The following DDX39B variants were observed in gnomAD, a reference collection of about 807,000 sequenced individuals.
DDX39B encodes the protein DExD-box helicase 39B.
DDX39B carries 6 observed loss-of-function variants against 46.4 expected under a neutral mutation model. The ratio of observed to expected loss-of-function variants is 0.13; its 90% CI spans 0.07 to 0.26. The LOEUF (loss-of-function observed/expected upper bound fraction) is 0.26, where lower values mean the gene tolerates loss of function less well. Among genes scored for constraint, DDX39B ranks in the 10% least tolerant of loss-of-function variants. The pLI, the probability that DDX39B is intolerant of heterozygous loss-of-function variation, is 1.00. For missense variants in DDX39B, 185 were observed against 553.4 expected, an observed-to-expected ratio of 0.33 and a Z score of 6.68; for synonymous variants, 174 against 199.4, an observed-to-expected ratio of 0.87 and a Z score of 1.07.
intron 3 of DDX39B, 33 bp from the exon 4 acceptor site, chr6:31,538,888 A>T (rs1483845858): frequency 6.3e-7 from 1 of 1,598,322 alleles, no homozygotes; most frequent in Non-Finnish European, 8.6e-7. Context: ...ACATATGGTA[A>T]ATGTAGCTCT....
At chr6:31,540,786 A>G in intron 1 of DDX39B, 122 bp from the exon 2 acceptor site, 2 of 565,322 alleles carry the variant, frequency 3.5e-6, no homozygotes, top group Non-Finnish European at 3.1e-6. Flanking sequence ...AAAAACAGAT[A>G]CAAAACATAA....
rs1767140506 is a variant in DDX39B, at chr6:31,531,413, G to C, written c.868-8C>G. 4 of 1,613,868 alleles carry C rather than the reference G, an allele frequency of 2.5e-6. No individual in the cohort carries two copies. The South Asian group carries it at 4.4e-5, about 18-fold the overall frequency. Reference sequence around the variant, plus strand: ...CTTCACAAAGATCACCACCTGTTGTGGGGTGGGGTGGGGGGTCGCAAATTG... The same window carrying C: ...CTTCACAAAGATCACCACCTGTTGTCGGGTGGGGTGGGGGGTCGCAAATTG... On this transcript the variant is annotated splice_region_variant and splice_polypyrimidine_tract_variant and intron_variant, in intron 7 of 10. Coordinates refer to ENST00000396172, the MANE Select transcript of DDX39B (RefSeq NM_004640.7). This position sits in a 1 kb window ranked among gnomAD's most constrained non-coding sequence, Gnocchi z 5.8.
intron 3 of DDX39B, 30 bp from the exon 4 acceptor site, chr6:31,538,885 G>A (rs1391471471): frequency 3.7e-6 from 6 of 1,601,926 alleles, no homozygotes; most frequent in African/African-American, 2.7e-5. Context: ...GAGACATATG[G>A]TAAATGTAGC....
Position 31,540,392 on chromosome 6 carries a change from A to G in DDX39B, c.141T>C (p.Phe47=). 2.5e-6 allele frequency: 4 copies of G among 1,614,228 alleles called. No individual in the cohort carries two copies. Among genetic ancestry groups the G allele is most frequent in the Non-Finnish European group, 3.4e-6 (4 of 1,180,046 alleles). ...ACTCTGGCTTGAGCAGGAAGTCACG[A>G]AAGCCAGAGCTGTGGATGGAGACAT... ...GSYVSIHSSG[F]RDFLLKPELL... is the part of the protein sequence containing the mutation. Residue 47 remains phenylalanine (F), a synonymous_variant, in exon 2 of 11, where the codon TTT becomes TTC. Transcript: ENST00000396172.
At position 31,530,705 on chromosome 6, in the gene DDX39B, T is replaced by C; in HGVS notation, c.1270+74A>G. 1 of 1,568,436 alleles carries C rather than the reference T, an allele frequency of 6.4e-7. No individual in the cohort carries two copies. Among genetic ancestry groups the C allele is most frequent in the Non-Finnish European group, 8.7e-7 (1 of 1,153,684 alleles). ...CATTATGCATCAGATGCCCATGACC[T>C]ATGTGATGGGATTTCGGACAAACAC... On this transcript the variant is annotated intron_variant, in intron 10 of 10. Coordinates refer to ENST00000396172, the MANE Select transcript of DDX39B (RefSeq NM_004640.7). This position sits in a 1 kb window ranked among gnomAD's most constrained non-coding sequence, Gnocchi z 4.5.
chr6:31,535,257 C>T lies in DDX39B; in HGVS notation c.735+110G>A, dbSNP rs1212393575. On this transcript the variant is annotated intron_variant, in intron 6 of 10. Coordinates refer to ENST00000396172, the MANE Select transcript of DDX39B (RefSeq NM_004640.7). This position sits in a 1 kb window ranked among gnomAD's most constrained non-coding sequence, Gnocchi z 4.6. Reference sequence around the variant, plus strand: ...AGGAGTCATTACTCCCAGTTGGGCACAAGCCGCCTTCTTGGCACTTGAATG... The same window carrying T: ...AGGAGTCATTACTCCCAGTTGGGCATAAGCCGCCTTCTTGGCACTTGAATG... 2 of 1,075,692 alleles carry T rather than the reference C, an allele frequency of 1.9e-6. No homozygotes were observed. The highest frequency in any genetic ancestry group is 1.3e-5 in the South Asian group (1 of 78,606). The allele number at this position is 1,075,692 out of a possible 1,614,324, so 66.6% of individuals were successfully genotyped here. A position where few individuals can be genotyped will look rare whatever the true frequency, so the allele number is the denominator to read the frequency against.
At chr6:31,533,280 T>A (rs759604307) in intron 6 of DDX39B, 58 of 228,546 alleles carry the variant, frequency 2.5e-4, no homozygotes, top group Middle Eastern at 3.7e-3. Flanking sequence ...GGACCAAACA[T>A]CTGGGAAATG....
chr6:31,540,253 G>T, intron 2 of DDX39B, 69 bp downstream of exon 2: 1 of 1,528,456 alleles, frequency 6.5e-7, no homozygotes, highest in South Asian at 1.1e-5. Flanking sequence ...CCTGAGCAAC[G>T]ACAAACACAT....
In DDX39B at chr6:31,530,740, C is replaced by CA. The variant is rs1189259056; in HGVS notation, c.1270+38dup. The CA allele has an allele frequency of 6.2e-7, 1 of 1,601,018 alleles. No homozygotes were observed. The highest frequency in any genetic ancestry group is 1.1e-5 in the South Asian group (1 of 90,814). The stretch of plus-strand genomic sequence containing the variant: ...GATTTCGGACAAACACACTAAGGAA[C>CA]AGGGAGGACCTAAAGGGTTTCATGA... On this transcript the variant is annotated intron_variant, in intron 10 of 10. Coordinates refer to ENST00000396172, the MANE Select transcript of DDX39B (RefSeq NM_004640.7). This position sits in a 1 kb window ranked among gnomAD's most constrained non-coding sequence, Gnocchi z 4.5.
At chr6:31,538,599 T>C (rs147611396) in intron 4 of DDX39B, among the ~76,000 whole-genome samples, 164 bp downstream of exon 4, 7 of 152,294 alleles carry the variant, frequency 4.6e-5, no homozygotes, top group African/African-American at 1.7e-4. Flanking sequence ...TTAAGCATCA[T>C]CCATAGCCCA....
Position 31,538,865 on chromosome 6 carries a change from G to A in DDX39B, c.340-10C>T. On this transcript the variant is annotated splice_polypyrimidine_tract_variant and intron_variant, in intron 3 of 10. Transcript: ENST00000396172. ...TCACCAGTACAGACACCTTAGGCAGGAAGTAGACGGAGACATATGGTAAAT... is the reference window on the plus strand; with the variant it reads ...TCACCAGTACAGACACCTTAGGCAGAAAGTAGACGGAGACATATGGTAAAT... The A allele has an allele frequency of 3.1e-6, 5 of 1,612,452 alleles. No individual in the cohort carries two copies. Among genetic ancestry groups the A allele is most frequent in the Non-Finnish European group, 4.2e-6 (5 of 1,178,542 alleles).
At position 31,534,918 on chromosome 6, in the gene DDX39B, T is replaced by G; in HGVS notation, c.735+449A>C. The G allele has an allele frequency of 3.7e-6, 1 of 271,496 alleles. No homozygotes were observed. The highest frequency in any genetic ancestry group is 7.3e-6 in the Non-Finnish European group (1 of 136,758). The allele number at this position is 271,496 out of a possible 1,614,324, so 16.8% of individuals were successfully genotyped here. A position where few individuals can be genotyped will look rare whatever the true frequency, so the allele number is the denominator to read the frequency against. ...CTCTTCTTTTGGACATGCCCTGCCA[T>G]CTGTCTGTCCCTCTCTTGCTCTCCT... On this transcript the variant is annotated intron_variant, in intron 6 of 10. Transcript: ENST00000396172. This position sits in a 1 kb window ranked among gnomAD's most constrained non-coding sequence, Gnocchi z 5.1.
chr6:31,535,309 G>A lies in DDX39B; in HGVS notation c.735+58C>T. 7 of 1,525,172 alleles carry A rather than the reference G, an allele frequency of 4.6e-6. No homozygotes were observed. Among genetic ancestry groups the A allele is most frequent in the Non-Finnish European group, 6.4e-6 (7 of 1,099,902 alleles). The allele number at this position is 1,525,172 out of a possible 1,614,324, so 94.5% of individuals were successfully genotyped here. ...CAAGGGAGTCTGAGGAAGAGGGCGA[G>A]GAAGGGGAGGAGGCAGCGGGCGGGG... On this transcript the variant is annotated intron_variant, in intron 6 of 10. Transcript: ENST00000396172. The surrounding 1 kb of genome is among the most constrained non-coding windows in gnomAD (Gnocchi z 4.6).
At position 31,540,271 on chromosome 6, in the gene DDX39B, T is replaced by C. The variant is rs147351123; in HGVS notation, c.211+51A>G. ...GAGCAACGACAAACACATCTTTGTATTGTACCCTTAAAGAGCCCAATGAGC... is the reference window on the plus strand; with the variant it reads ...GAGCAACGACAAACACATCTTTGTACTGTACCCTTAAAGAGCCCAATGAGC... On this transcript the variant is annotated intron_variant, in intron 2 of 10. Coordinates refer to ENST00000396172, the MANE Select transcript of DDX39B (RefSeq NM_004640.7). 3.5e-5 allele frequency: 56 copies of C among 1,579,712 alleles called. No individual in the cohort carries two copies. In the African/African-American group the frequency reaches 3.9e-4, roughly 11 times the overall value.
chr6:31,534,957 AG>A lies in DDX39B; in HGVS notation c.735+409del, dbSNP rs540014813. 3.6e-4 allele frequency: 94 copies of A among 263,608 alleles called. No homozygotes were observed. Among genetic ancestry groups the A allele is most frequent in the African/African-American group, 2.0e-3 (90 of 45,238 alleles). 16.3% of individuals were successfully genotyped at this position (263,608 alleles called of 1,614,324 possible). A position where few individuals can be genotyped will look rare whatever the true frequency, so the allele number is the denominator to read the frequency against. On this transcript the variant is annotated intron_variant, in intron 6 of 10. Coordinates refer to ENST00000396172, the MANE Select transcript of DDX39B (RefSeq NM_004640.7). This position sits in a 1 kb window ranked among gnomAD's most constrained non-coding sequence, Gnocchi z 5.1. ...TCTTGCTCTCCTGCCACCGGGAAGTAGGAGTTTTGGTGAGCAGAAGGCTCCA... is the reference window on the plus strand; with the variant it reads ...TCTTGCTCTCCTGCCACCGGGAAGTAGAGTTTTGGTGAGCAGAAGGCTCCA...
At position 31,535,334 on chromosome 6, in the gene DDX39B, G is replaced by T; in HGVS notation, c.735+33C>A. Reference sequence around the variant, plus strand: ...GGAAGGGGAGGAGGCAGCGGGCGGGGAGTGGAGGGAGAGAAGGTAGAAGGG... The same window carrying T: ...GGAAGGGGAGGAGGCAGCGGGCGGGTAGTGGAGGGAGAGAAGGTAGAAGGG... On this transcript the variant is annotated intron_variant, in intron 6 of 10. Transcript: ENST00000396172. This position sits in a 1 kb window ranked among gnomAD's most constrained non-coding sequence, Gnocchi z 4.6. 6.3e-7 allele frequency: 1 copy of T among 1,591,728 alleles called. No individual in the cohort carries two copies. Among genetic ancestry groups the T allele is most frequent in the Non-Finnish European group, 8.6e-7 (1 of 1,160,382 alleles).
In DDX39B at chr6:31,535,294, TGAG is replaced by T; in HGVS notation, c.735+70_735+72del. The stretch of plus-strand genomic sequence containing the variant: ...TTGGCACTTGAATGACAAGGGAGTC[TGAG>T]GAAGAGGGCGAGGAAGGGGAGGAGG... On this transcript the variant is annotated intron_variant, in intron 6 of 10. Coordinates refer to ENST00000396172, the MANE Select transcript of DDX39B (RefSeq NM_004640.7). This position sits in a 1 kb window ranked among gnomAD's most constrained non-coding sequence, Gnocchi z 4.6. 7.0e-7 allele frequency: 1 copy of T among 1,434,502 alleles called. No homozygotes were observed. The highest frequency in any genetic ancestry group is 9.8e-7 in the Non-Finnish European group (1 of 1,017,886). The allele number at this position is 1,434,502 out of a possible 1,614,324, so 88.9% of individuals were successfully genotyped here.
intron 1 of DDX39B, chr6:31,541,453 A>G: frequency 5.4e-6 from 2 of 372,924 alleles, no homozygotes; most frequent in Admixed American, 3.7e-5. Context: ...GGAGAAACAT[A>G]CAATGACACC....
chr6:31,530,342 G>C lies in DDX39B; in HGVS notation c.*92C>G. On this transcript the variant is annotated 3_prime_UTR_variant, in exon 11 of 11. Transcript: ENST00000396172. The surrounding 1 kb of genome is among the most constrained non-coding windows in gnomAD (Gnocchi z 4.5). ...AGATGGAAGCCATGGGGTGGGGGCT[G>C]TCAGGGGTGGGGGCAGTAGTGTCTC... The C allele has an allele frequency of 2.0e-6, 3 of 1,469,014 alleles. No homozygotes were observed. The highest frequency in any genetic ancestry group is 2.8e-6 in the Non-Finnish European group (3 of 1,068,096). The allele number at this position is 1,469,014 out of a possible 1,614,324, so 91.0% of individuals were successfully genotyped here. A position where few individuals can be genotyped will look rare whatever the true frequency, so the allele number is the denominator to read the frequency against.
Sources: gnomAD v4.1 joint callset for allele counts (sites outside exome capture counted in the v4.1 genomes callset) on GRCh38, gnomAD v4.1.1 for gene constraint, Gnocchi (gnomAD v3.1) non-coding constraint, MANE v1.5 for transcripts, NCBI Gene and HGNC (gene_info 2026-07-23, HGNC 2026-07-21) for gene names.